The following WASF3 variants were observed in gnomAD, a reference collection of about 807,000 sequenced individuals.
WASF3 encodes the protein WASP family member 3.
In WASF3, 11 loss-of-function variants were observed where a neutral mutation model predicts 46.6. The observed-to-expected ratio is 0.24, with a 90% CI of 0.15 to 0.39. WASF3 has a LOEUF of 0.39. WASF3 is among the 10% of genes least tolerant of loss of function. The probability of loss-of-function intolerance (pLI) is 1.00; values close to 1 mark genes in which losing one functional copy is unlikely to be tolerated. For synonymous variants in WASF3, 242 were observed against 259.7 expected (o/e 0.93, Z 0.65); for missense variants, 576 against 669.8 (o/e 0.86, Z 1.55).
chr13:26,688,384 G>A lies in WASF3; in HGVS notation c.*2539G>A, dbSNP rs1199511691. ...GTAAGGTAATTTTAAATTGTCCCTC[G>A]TATTATTTCTCCACGTCTGTTTTAG... On this transcript the variant is annotated 3_prime_UTR_variant, in exon 10 of 10. Coordinates refer to ENST00000335327, the MANE Select transcript of WASF3 (RefSeq NM_006646.6). 3 of 152,062 alleles carry A rather than the reference G, an allele frequency of 2.0e-5. No homozygotes were observed. Among genetic ancestry groups the A allele is most frequent in the African/African-American group, 7.2e-5 (3 of 41,410 alleles). The allele number at this position is 152,062 out of a possible 1,614,324, so 9.4% of individuals were successfully genotyped here.
At chr13:26,579,063 C>T (rs1287161168) in intron 1 of WASF3, among the ~76,000 whole-genome samples, 2 of 120,496 alleles carry the variant, frequency 1.7e-5, no homozygotes, top group African/African-American at 6.6e-5. Context: ...AGCAGTGGTG[C>T]AATCATAGCT....
chr13:26,673,470 A>G (rs2137487112), intron 6 of WASF3, among the ~76,000 whole-genome samples: 1 of 152,328 alleles, frequency 6.6e-6, no homozygotes, highest in Middle Eastern at 3.4e-3. Context: ...AGGACAATAT[A>G]GTGAGGGACA....
chr13:26,622,394 C>A (rs1465094047), intron 2 of WASF3, among the ~76,000 whole-genome samples: 1 of 152,174 alleles, frequency 6.6e-6, no homozygotes, highest in African/African-American at 2.4e-5. Context: ...ATGCAGTTAA[C>A]ATGTTACTCT....
At chr13:26,559,787 C>CT (rs374922462) in intron 1 of WASF3, among the ~76,000 whole-genome samples, 7 of 76,422 alleles carry the variant, frequency 9.2e-5, no homozygotes, top group Admixed American at 2.5e-4. Context: ...TTTTTCTTTT[C>CT]TTTTCTTTCT....
At chr13:26,583,324 G>C (rs1880038074) in intron 1 of WASF3, among the ~76,000 whole-genome samples, 1 of 152,216 alleles carries the variant, frequency 6.6e-6, no homozygotes, top group Admixed American at 6.5e-5. Context: ...GAAACGGAAA[G>C]GTTCTTATAG....
chr13:26,632,414 C>T (rs1286434831), intron 2 of WASF3, among the ~76,000 whole-genome samples: 1 of 152,140 alleles, frequency 6.6e-6, no homozygotes, highest in African/African-American at 2.4e-5. Flanking sequence ...GCCTTTCCTG[C>T]ATCTATTGAG....
chr13:26,578,118 CTTCTT>C (rs1351395663), intron 1 of WASF3, among the ~76,000 whole-genome samples: 1 of 152,156 alleles, frequency 6.6e-6, no homozygotes, highest in Non-Finnish European at 1.5e-5. Flanking sequence ...CCTTTCCCCC[CTTCTT>C]TTCTTTCCTC....
At position 26,682,780 on chromosome 13, in the gene WASF3, C is replaced by T. The variant is rs1180746663; in HGVS notation, c.1157C>T (p.Pro386Leu). Residue 386 changes from proline to leucine, a missense_variant, in exon 9 of 10, where the codon CCC becomes CTC. This residue lies in a region of WASF3 where 295 missense variants were observed against 291.5 expected (regional missense o/e 1.01). Coordinates refer to ENST00000335327, the MANE Select transcript of WASF3 (RefSeq NM_006646.6). This position sits in a 1 kb window ranked among gnomAD's most constrained non-coding sequence, Gnocchi z 4.4. ...SSTHAAPPHP[P>L]STGLLVTAPP... ...ACGCACGCAGCTCCTCCTCACCCAC[C>T]CTCCACCGGGCTCCTGGTCACAGCC... 2.5e-6 allele frequency: 4 copies of T among 1,611,906 alleles called. No homozygotes were observed. Among genetic ancestry groups the T allele is most frequent in the Non-Finnish European group, 3.4e-6 (4 of 1,179,994 alleles).
chr13:26,587,473 C>T (rs959647369), intron 1 of WASF3, among the ~76,000 whole-genome samples: 1 of 152,134 alleles, frequency 6.6e-6, no homozygotes, highest in Non-Finnish European at 1.5e-5. Context: ...AGCATATTGT[C>T]TAGATTTTCA....
At chr13:26,674,041 C>A (rs963781104) in intron 6 of WASF3, among the ~76,000 whole-genome samples, 2 of 152,126 alleles carry the variant, frequency 1.3e-5, no homozygotes, top group African/African-American at 4.8e-5. Flanking sequence ...TGTCTAAGAT[C>A]ATCCTGGGGG....
In WASF3 at chr13:26,687,634, T is replaced by C. The variant is rs981934630; in HGVS notation, c.*1789T>C. The C allele has an allele frequency of 6.6e-6, 1 of 152,162 alleles. No individual in the cohort carries two copies. The highest frequency in any genetic ancestry group is 2.4e-5 in the African/African-American group (1 of 41,428). The allele number at this position is 152,162 out of a possible 1,614,324, so 9.4% of individuals were successfully genotyped here. ...CCTCTTCAGCGTCTTTTCCTAGAGC[T>C]GGTCACCACTAGGCTGTCACTATAA... is the stretch of plus-strand genomic sequence containing the variant. On this transcript the variant is annotated 3_prime_UTR_variant, in exon 10 of 10. Transcript: ENST00000335327.
chr13:26,557,023 C>T (rs867932382), upstream of WASF3, among the ~76,000 whole-genome samples: 1 of 152,140 alleles, frequency 6.6e-6, no homozygotes, highest in Non-Finnish European at 1.5e-5. Flanking sequence ...CATCTGGTCG[C>T]ACGTGGCTAT....
chr13:26,540,956 C>T, the WASF3 span, among the ~76,000 whole-genome samples: 23 of 152,026 alleles, frequency 1.5e-4, no homozygotes, highest in South Asian at 4.2e-4. Flanking sequence ...TATATACGCG[C>T]GCAAAAACGG....
chr13:26,597,992 T>G lies in WASF3; in HGVS notation c.-108-14969T>G, dbSNP rs1014336757. 9.8e-5 allele frequency among the ~76,000 whole-genome samples: 15 copies of G among 152,308 alleles called. 1 individual carries two copies. Among genetic ancestry groups the G allele is most frequent in the Admixed American group, 3.3e-4 (5 of 15,296 alleles). ...TTGGGTATATACCCAGTAATGGGATTGCTGGGTCAAATGGTATTTCTAGTT... is the reference window on the plus strand; with the variant it reads ...TTGGGTATATACCCAGTAATGGGATGGCTGGGTCAAATGGTATTTCTAGTT... On this transcript the variant is annotated intron_variant, in intron 1 of 9. Coordinates refer to ENST00000335327, the MANE Select transcript of WASF3 (RefSeq NM_006646.6).
Position 26,682,502 on chromosome 13 carries a change from C to CA in WASF3, c.984-103dup. The CA allele has an allele frequency of 1.5e-6, 2 of 1,357,288 alleles. No homozygotes were observed. The highest frequency in any genetic ancestry group is 2.5e-5 in the South Asian group (2 of 80,406). The allele number at this position is 1,357,288 out of a possible 1,614,324, so 84.1% of individuals were successfully genotyped here. A position where few individuals can be genotyped will look rare whatever the true frequency, so the allele number is the denominator to read the frequency against. ...CCTGCCATGATTGAAGTTCAGGTGA[C>CA]AATACGTGTTGTGTCTGGGGATGGC... is the stretch of plus-strand genomic sequence containing the variant. On this transcript the variant is annotated intron_variant, in intron 8 of 9. Transcript: ENST00000335327. The surrounding 1 kb of genome is among the most constrained non-coding windows in gnomAD (Gnocchi z 4.4).
At chr13:26,601,930 G>A (rs564640820) in intron 1 of WASF3, among the ~76,000 whole-genome samples, 15 of 152,334 alleles carry the variant, frequency 9.8e-5, no homozygotes, top group African/African-American at 3.4e-4. Context: ...CCAGATTGTG[G>A]TGATTGTGCT....
At chr13:26,603,931 A>G (rs1880717630) in intron 1 of WASF3, among the ~76,000 whole-genome samples, 1 of 152,224 alleles carries the variant, frequency 6.6e-6, no homozygotes, top group African/African-American at 2.4e-5. Context: ...CCCAGTGGAA[A>G]GTAGCATGTG....
chr13:26,657,969 A>G (rs1244146408), intron 3 of WASF3, among the ~76,000 whole-genome samples: 2 of 152,180 alleles, frequency 1.3e-5, no homozygotes, highest in Non-Finnish European at 2.9e-5. Flanking sequence ...GAAATGTAGT[A>G]TCAGTTGCAT....
chr13:26,574,772 A>T (rs548551075), intron 1 of WASF3, among the ~76,000 whole-genome samples: 9 of 151,662 alleles, frequency 5.9e-5, no homozygotes, highest in African/African-American at 2.2e-4. Flanking sequence ...TGATATCAGG[A>T]AGGTGGGACT....
Sources: allele counts gnomAD v4.1 joint callset (sites outside exome capture counted in the v4.1 genomes callset), GRCh38; gene constraint gnomAD v4.1.1; regional missense constraint gnomAD v4.1.1; non-coding constraint Gnocchi (gnomAD v3.1); transcripts MANE v1.5; gene names NCBI Gene and HGNC (gene_info 2026-07-23, HGNC 2026-07-21).